Variants in TMEM196 observed in about 807,000 individuals in gnomAD.
TMEM196 encodes the protein transmembrane protein 196.
Under a neutral mutation model 20.0 loss-of-function variants are expected in TMEM196, and 17 were observed. That is an observed-to-expected ratio of 0.85 (90% CI 0.58 to 1.27). The LOEUF (loss-of-function observed/expected upper bound fraction) is 1.27. Among genes scored for constraint, TMEM196 ranks in the 50% most tolerant of loss-of-function variants. The pLI is 0.00. For synonymous variants in TMEM196, 113 were observed against 88.9 expected, an observed-to-expected ratio of 1.27 and a Z score of -1.52; for missense variants, 267 against 223.0, an observed-to-expected ratio of 1.20 and a Z score of -1.26.
chr7:19,755,390 G>A (rs1785168413), intron 1 of TMEM196, among the ~76,000 whole-genome samples: 1 of 152,174 alleles, frequency 6.6e-6, no homozygotes, highest in South Asian at 2.1e-4. Flanking sequence ...GTGATGAATA[G>A]ATCGATGAGT....
chr7:19,745,898 T>A (rs546481996), intron 1 of TMEM196, among the ~76,000 whole-genome samples: 1 of 151,860 alleles, frequency 6.6e-6, no homozygotes, highest in South Asian at 2.1e-4. Context: ...TTGTTCTGAT[T>A]GATATCCAGA....
rs898550169 is a variant in TMEM196 at position 19,773,011 on chromosome 7, A to G, written c.-315T>C. 3 of 226,368 alleles carry G rather than the reference A, an allele frequency of 1.3e-5. No individual in the cohort carries two copies. Among genetic ancestry groups the G allele is most frequent in the Non-Finnish European group, 2.6e-5 (3 of 116,818 alleles). 14.0% of individuals were successfully genotyped at this position (226,368 alleles called of 1,614,324 possible). A position where few individuals can be genotyped will look rare whatever the true frequency, so the allele number is the denominator to read the frequency against. On this transcript the variant is annotated 5_prime_UTR_variant, in exon 1 of 5. Coordinates refer to ENST00000405844, the MANE Select transcript of TMEM196 (RefSeq NM_001363562.2). Reference sequence around the variant, plus strand: ...AGCAGCGGAAAACCTGGAGGAGCCCAGGGAGCTCCGAGCCTTGCTCCCCAG... The same window carrying G: ...AGCAGCGGAAAACCTGGAGGAGCCCGGGGAGCTCCGAGCCTTGCTCCCCAG...
intron 1 of TMEM196, among the ~76,000 whole-genome samples, chr7:19,752,997 A>G (rs1396327793): frequency 6.6e-6 from 1 of 152,158 alleles, no homozygotes; most frequent in Admixed American, 6.5e-5. Flanking sequence ...AGCCAATTTG[A>G]CAACTGGTCT....
At chr7:19,723,128 A>G (rs17141847) in intron 4 of TMEM196, among the ~76,000 whole-genome samples, 2,443 of 152,214 alleles carry the variant, frequency 0.016, 63 homozygotes, top group African/African-American at 0.055. Flanking sequence ...TACATGGTGA[A>G]AGTCTCCTAG....
chr7:19,767,173 C>T (rs1252099911), intron 1 of TMEM196, among the ~76,000 whole-genome samples: 2 of 152,022 alleles, frequency 1.3e-5, no homozygotes, highest in Admixed American at 1.3e-4. Context: ...AGAATCTAGA[C>T]TAAGAAATTC....
intron 1 of TMEM196, 66 bp downstream of exon 1, chr7:19,772,484 G>A: frequency 1.4e-6 from 2 of 1,415,314 alleles, no homozygotes; most frequent in Middle Eastern, 2.6e-4. Context: ...CGCGCACCCT[G>A]ACCATCACCG....
Position 19,742,368 on chromosome 7 carries a change from T to C in TMEM196, c.148-12930A>G, listed in dbSNP as rs142294234. Among the ~76,000 whole-genome samples the C allele has an allele frequency of 3.1e-3, 470 of 152,216 alleles. 8 individuals are homozygous for C. The highest frequency in any genetic ancestry group is 0.011 in the African/African-American group (449 of 41,548). On this transcript the variant is annotated intron_variant, in intron 1 of 4. Transcript: ENST00000405844. ...GTTGCCATCTTTTTTGTTTGTCCTT[T>C]CCGAGGAAAAAGAGTATGCTCTCAC...
intron 1 of TMEM196, among the ~76,000 whole-genome samples, chr7:19,742,382 G>C (rs1342944036): frequency 6.6e-6 from 1 of 152,072 alleles, no homozygotes; most frequent in African/African-American, 2.4e-5. Context: ...AGGAAAAAGA[G>C]TATGCTCTCA....
At chr7:19,729,732 T>C (rs1784129148) in intron 1 of TMEM196, among the ~76,000 whole-genome samples, 1 of 152,238 alleles carries the variant, frequency 6.6e-6, no homozygotes, top group Non-Finnish European at 1.5e-5. Context: ...CTTTTCACCG[T>C]CTGATTCCTT....
rs1783749905 is a variant in TMEM196, at chr7:19,719,575, TA to T, written c.*2552del. The T allele has an allele frequency of 1.3e-5, 2 of 152,204 alleles. No individual in the cohort carries two copies. Among genetic ancestry groups the T allele is most frequent in the Admixed American group, 1.3e-4 (2 of 15,286 alleles). 9.4% of individuals were successfully genotyped at this position (152,204 alleles called of 1,614,324 possible). On this transcript the variant is annotated 3_prime_UTR_variant, in exon 5 of 5. Transcript: ENST00000405844. Reference sequence around the variant, plus strand: ...TAGTTTTTCTAATTTAGTATCACCTTACTTTCTTCCAAGGGTAGGCTCATAC... The same window carrying T: ...TAGTTTTTCTAATTTAGTATCACCTTCTTTCTTCCAAGGGTAGGCTCATAC...
In TMEM196 at chr7:19,753,351, A is replaced by G. The variant is rs571968043; in HGVS notation, c.147+19199T>C. On this transcript the variant is annotated intron_variant, in intron 1 of 4. Coordinates refer to ENST00000405844, the MANE Select transcript of TMEM196 (RefSeq NM_001363562.2). Reference sequence around the variant, plus strand: ...ACTCAGAATAAATCAAAGAGGTACAATTTATCTAAACTCATTTTCTTACCC... The same window carrying G: ...ACTCAGAATAAATCAAAGAGGTACAGTTTATCTAAACTCATTTTCTTACCC... 2.0e-5 allele frequency among the ~76,000 whole-genome samples: 3 copies of G among 152,256 alleles called. No individual in the cohort carries two copies. In the South Asian group the frequency reaches 6.2e-4, roughly 32 times the overall value.
chr7:19,761,579 C>T (rs987764655), intron 1 of TMEM196, among the ~76,000 whole-genome samples: 2 of 152,070 alleles, frequency 1.3e-5, no homozygotes, highest in Non-Finnish European at 2.9e-5. Flanking sequence ...CTTAGCAGAC[C>T]AGGTGAGATA....
At chr7:19,768,111 G>A (rs936842426) in intron 1 of TMEM196, among the ~76,000 whole-genome samples, 2 of 151,874 alleles carry the variant, frequency 1.3e-5, no homozygotes, top group African/African-American at 4.8e-5. Flanking sequence ...TTATTAAGCA[G>A]ATAAAGATAT....
chr7:19,772,799 A>C lies in TMEM196; in HGVS notation c.-103T>G. On this transcript the variant is annotated 5_prime_UTR_variant, in exon 1 of 5. Coordinates refer to ENST00000405844, the MANE Select transcript of TMEM196 (RefSeq NM_001363562.2). ...CCCCTTCCACCCCCTACCAGATCCC[A>C]AAACTTTTCTTTCTTCAAGAGCGAG... The C allele has an allele frequency of 8.6e-7, 1 of 1,162,294 alleles. No homozygotes were observed. The highest frequency in any genetic ancestry group is 1.1e-6 in the Non-Finnish European group (1 of 901,114). 72.0% of individuals were successfully genotyped at this position (1,162,294 alleles called of 1,614,324 possible).
intron 1 of TMEM196, among the ~76,000 whole-genome samples, chr7:19,762,461 T>C: frequency 6.6e-6 from 1 of 152,184 alleles, no homozygotes; most frequent in South Asian, 2.1e-4. Flanking sequence ...AAACTTTTTA[T>C]ATACTTGTGC....
chr7:19,723,585 G>T (rs1783884801), intron 4 of TMEM196, among the ~76,000 whole-genome samples: 1 of 152,108 alleles, frequency 6.6e-6, no homozygotes, highest in African/African-American at 2.4e-5. Context: ...TGAGTCTCCA[G>T]TTTGCAAAAA....
At position 19,730,971 on chromosome 7, in the gene TMEM196, T is replaced by A. The variant is rs571739931; in HGVS notation, c.148-1533A>T. ...GTTCCCTAACATACACCAAAATTAA[T>A]GTAAAATTGAGTATTTATACAAAAA... is the stretch of plus-strand genomic sequence containing the variant. On this transcript the variant is annotated intron_variant, in intron 1 of 4. Transcript: ENST00000405844. Among the ~76,000 whole-genome samples the A allele has an allele frequency of 9.8e-5, 15 of 152,296 alleles. 1 individual carries two copies. Among genetic ancestry groups the A allele is most frequent in the African/African-American group, 3.4e-4 (14 of 41,576 alleles).
intron 1 of TMEM196, among the ~76,000 whole-genome samples, chr7:19,749,219 T>C (rs1784870919): frequency 1.3e-5 from 2 of 152,152 alleles, no homozygotes; most frequent in South Asian, 4.1e-4. Context: ...AAGATAAAAA[T>C]AAACCAAGAG....
chr7:19,739,819 G>T (rs1278672728), intron 1 of TMEM196, among the ~76,000 whole-genome samples: 1 of 152,128 alleles, frequency 6.6e-6, no homozygotes, highest in Admixed American at 6.6e-5. Flanking sequence ...CAGATTGGCA[G>T]AAATCCTTTG....
Sources: allele counts gnomAD v4.1 joint callset (sites outside exome capture counted in the v4.1 genomes callset), GRCh38; gene constraint gnomAD v4.1.1; transcripts MANE v1.5; gene names NCBI Gene and HGNC (gene_info 2026-07-23, HGNC 2026-07-21).